Variants in CACNA1E observed in about 807,000 individuals in gnomAD.
CACNA1E encodes voltage-dependent R-type calcium channel subunit alpha-1E.
In CACNA1E, 40 loss-of-function variants were observed where a neutral mutation model predicts 259.2. That is an observed-to-expected ratio of 0.15 (90% CI 0.12 to 0.20). The LOEUF is 0.20. Among genes scored for constraint, CACNA1E ranks in the 10% least tolerant of loss-of-function variants. The pLI is 1.00. For missense variants in CACNA1E, 1,874 were observed against 3,040.1 expected, an observed-to-expected ratio of 0.62 and a Z score of 9.02; for synonymous variants, 1,104 against 1,138.5, an observed-to-expected ratio of 0.97 and a Z score of 0.61.
At chr1:181,503,564 T>C (rs1164380073) in intron 1 of CACNA1E, among the ~76,000 whole-genome samples, 1 of 152,244 alleles carries the variant, frequency 6.6e-6, no homozygotes, top group African/African-American at 2.4e-5. Flanking sequence ...TGTCAGTCCA[T>C]GGCTACAGCC....
chr1:181,639,530 G>A (rs1657559565), intron 6 of CACNA1E, among the ~76,000 whole-genome samples: 1 of 152,238 alleles, frequency 6.6e-6, no homozygotes. Context: ...AGGTCTGCAT[G>A]GGTTTAGGTC....
At chr1:181,788,634 A>G (rs1171785178) in intron 43 of CACNA1E, among the ~76,000 whole-genome samples, 1 of 152,160 alleles carries the variant, frequency 6.6e-6, no homozygotes, top group Non-Finnish European at 1.5e-5. Context: ...TCTGGAGTTC[A>G]GGGAGCAAAG....
At chr1:181,499,454 C>A (rs1244537008) in intron 1 of CACNA1E, among the ~76,000 whole-genome samples, 1 of 152,120 alleles carries the variant, frequency 6.6e-6, no homozygotes, top group African/African-American at 2.4e-5. Context: ...AGGTTTCTAG[C>A]CCTGGTTCTA....
At chr1:181,793,893 C>A in intron 45 of CACNA1E, 100 bp downstream of exon 45, 1 of 1,260,878 alleles carries the variant, frequency 7.9e-7, no homozygotes, top group Non-Finnish European at 1.1e-6. Flanking sequence ...TTGACTTGCC[C>A]GCACCCCTTC....
At chr1:181,605,975 A>C (rs2103086696) in intron 6 of CACNA1E, among the ~76,000 whole-genome samples, 1 of 152,266 alleles carries the variant, frequency 6.6e-6, no homozygotes, top group Middle Eastern at 3.4e-3. Flanking sequence ...TTTATCTCTC[A>C]GTGGCATTCA....
chr1:181,497,618 C>A (rs1664876560), intron 1 of CACNA1E, among the ~76,000 whole-genome samples: 1 of 152,164 alleles, frequency 6.6e-6, no homozygotes, highest in East Asian at 1.9e-4. Context: ...GGATATTGTT[C>A]TCATTTTATA....
intron 5 of CACNA1E, among the ~76,000 whole-genome samples, chr1:181,579,793 T>G (rs937115500): frequency 6.6e-6 from 1 of 152,118 alleles, no homozygotes. Flanking sequence ...GAGTCCAGAG[T>G]CAGAGTTGGG....
At chr1:181,750,426 G>A in intron 25 of CACNA1E, 50 bp from the exon 26 acceptor site, 1 of 1,591,906 alleles carries the variant, frequency 6.3e-7, no homozygotes, top group Non-Finnish European at 8.6e-7. Context: ...CCATTTTTTT[G>A]TTTTGTTTTA....
intron 29 of CACNA1E, 116 bp from the exon 30 acceptor site, chr1:181,756,808 TA>T: frequency 1.4e-6 from 1 of 721,874 alleles, no homozygotes; most frequent in Non-Finnish European, 2.4e-6. Flanking sequence ...CAAAAAAAAT[TA>T]ATGGAGGATC....
rs761668905 is a variant in CACNA1E, at chr1:181,776,121, C to T, written c.5160C>T (p.Ala1720=). Residue 1720 remains alanine (A), a synonymous_variant, in exon 38 of 48, where the codon GCC becomes GCT. Coordinates refer to ENST00000367573, the MANE Select transcript of CACNA1E (RefSeq NM_001205293.3). This position sits in a 1 kb window ranked among gnomAD's most constrained non-coding sequence, Gnocchi z 4.4. ...TTCAGATGCTCAACCTGTTTGTGGC[C>T]GTCATCATGGACAACTTTGAGTACC... ...CSFLMLNLFV[A]VIMDNFEYLT... is the part of the protein sequence containing the mutation. 45 of 1,613,606 alleles carry T rather than the reference C, an allele frequency of 2.8e-5. No individual in the cohort carries two copies. The highest frequency in any genetic ancestry group is 1.3e-4 in the East Asian group (6 of 44,898).
intron 43 of CACNA1E, 95 bp from the exon 44 acceptor site, chr1:181,790,350 G>A: frequency 1.6e-6 from 1 of 636,944 alleles, no homozygotes; most frequent in Non-Finnish European, 2.8e-6. Flanking sequence ...GTTTACAAAA[G>A]CCAGCCAAGG....
intron 3 of CACNA1E, among the ~76,000 whole-genome samples, chr1:181,553,277 G>C (rs1648376079): frequency 6.6e-6 from 1 of 152,174 alleles, no homozygotes; most frequent in Non-Finnish European, 1.5e-5. Flanking sequence ...TGAATTGGGA[G>C]TTCATTCATG....
intron 7 of CACNA1E, among the ~76,000 whole-genome samples, chr1:181,652,524 AACAG>A (rs1658849024): frequency 6.6e-6 from 1 of 152,238 alleles, no homozygotes; most frequent in Admixed American, 6.5e-5. Context: ...AAAAATTGGC[AACAG>A]ACAGTGATAG....
chr1:181,653,685 C>A (rs1325846909), intron 7 of CACNA1E, among the ~76,000 whole-genome samples: 1 of 152,178 alleles, frequency 6.6e-6, no homozygotes, highest in Non-Finnish European at 1.5e-5. Flanking sequence ...CATATTGCCT[C>A]TTTTTCAATG....
chr1:181,770,203 CA>C (rs1385629930), intron 35 of CACNA1E, among the ~76,000 whole-genome samples: 1 of 152,166 alleles, frequency 6.6e-6, no homozygotes, highest in Non-Finnish European at 1.5e-5. Flanking sequence ...ATGTTCAATG[CA>C]GGCTGAAAAT....
intron 7 of CACNA1E, among the ~76,000 whole-genome samples, chr1:181,666,366 C>G (rs764252515): frequency 1.1e-4 from 17 of 152,020 alleles, no homozygotes; most frequent in Non-Finnish European, 7.4e-5. Context: ...AACAAAAATC[C>G]CTGCCCTCAT....
chr1:181,766,408 C>A, intron 34 of CACNA1E, 138 bp from the exon 35 acceptor site: 2 of 660,952 alleles, frequency 3.0e-6, no homozygotes, highest in Non-Finnish European at 5.5e-6. Flanking sequence ...CAAAACAGAA[C>A]AACCCCAGGG....
chr1:181,457,310 A>G (rs1661523311), intron 2 of CACNA1E, among the ~76,000 whole-genome samples: 1 of 152,142 alleles, frequency 6.6e-6, no homozygotes, highest in South Asian at 2.1e-4. Context: ...ACCTCCTAAT[A>G]CCATCCCCGT....
chr1:181,481,475 T>A (rs1486624079), upstream of CACNA1E, among the ~76,000 whole-genome samples: 2 of 152,050 alleles, frequency 1.3e-5, no homozygotes, highest in Non-Finnish European at 2.9e-5. Flanking sequence ...CACTCAGACA[T>A]CACCTCACTT....
Sources: allele counts gnomAD v4.1 joint callset (sites outside exome capture counted in the v4.1 genomes callset), GRCh38; gene constraint gnomAD v4.1.1; non-coding constraint Gnocchi (gnomAD v3.1); transcripts MANE v1.5; gene names NCBI Gene and HGNC (gene_info 2026-07-23, HGNC 2026-07-21).